The following ARHGAP10 variants were observed in gnomAD, a reference collection of about 807,000 sequenced individuals.
ARHGAP10 encodes the protein Rho GTPase activating protein 10.
A neutral mutation model predicts 108.6 loss-of-function variants in ARHGAP10; 87 were observed. The observed-to-expected ratio is 0.80, with a 90% CI of 0.67 to 0.96. ARHGAP10 has a LOEUF of 0.96. Among genes scored for constraint, ARHGAP10 ranks in the 40% least tolerant of loss-of-function variants. ARHGAP10 has a pLI of 0.00. For synonymous variants in ARHGAP10, 347 were observed against 341.1 expected (o/e 1.02, Z -0.19); for missense variants, 939 against 954.5 (o/e 0.98, Z 0.21).
intron 19 of ARHGAP10, among the ~76,000 whole-genome samples, chr4:148,032,345 C>A (rs935287644): frequency 1.6e-5 from 1 of 63,526 alleles, no homozygotes; most frequent in African/African-American, 6.1e-5. Context: ...CCCCCCCCCC[C>A]CATATTGTAG....
At chr4:147,820,503 C>G (rs1384376171) in intron 1 of ARHGAP10, among the ~76,000 whole-genome samples, 1 of 150,398 alleles carries the variant, frequency 6.6e-6, no homozygotes, top group Non-Finnish European at 1.5e-5. Context: ...CCAGTCTGGT[C>G]TCCACCTCCT....
intron 13 of ARHGAP10, among the ~76,000 whole-genome samples, chr4:147,936,339 T>TG (rs1737934678): frequency 7.3e-6 from 1 of 137,620 alleles, no homozygotes; most frequent in African/African-American, 2.7e-5. Context: ...TTTTTTTTTT[T>TG]GAGATGGAGT....
At chr4:148,032,847 G>A (rs1310591148) in intron 19 of ARHGAP10, among the ~76,000 whole-genome samples, 4 of 152,148 alleles carry the variant, frequency 2.6e-5, no homozygotes, top group East Asian at 1.9e-4. Flanking sequence ...TCTCATGTTC[G>A]AGGGCAGGAA....
intron 16 of ARHGAP10, among the ~76,000 whole-genome samples, chr4:147,958,143 T>G (rs1311856707): frequency 6.6e-6 from 1 of 152,202 alleles, no homozygotes; most frequent in Non-Finnish European, 1.5e-5. Flanking sequence ...CTGGATGTCT[T>G]ACTGCGTGAT....
At chr4:147,847,461 A>T (rs1324766551) in intron 4 of ARHGAP10, among the ~76,000 whole-genome samples, 3 of 152,270 alleles carry the variant, frequency 2.0e-5, no homozygotes, top group Admixed American at 6.5e-5. Flanking sequence ...ATAGAGTTTT[A>T]AAAATACCTG....
chr4:147,902,790 A>G (rs2126902907), intron 10 of ARHGAP10, among the ~76,000 whole-genome samples: 1 of 151,898 alleles, frequency 6.6e-6, no homozygotes, highest in East Asian at 1.9e-4. Context: ...TTAGTTTTGT[A>G]GGCTGTACAG....
At chr4:147,922,465 G>A (rs1737283643) in intron 13 of ARHGAP10, among the ~76,000 whole-genome samples, 2 of 151,346 alleles carry the variant, frequency 1.3e-5, no homozygotes, top group East Asian at 1.9e-4. Context: ...CGAGGCGGGC[G>A]GATCACGAGG....
intron 1 of ARHGAP10, among the ~76,000 whole-genome samples, chr4:147,757,143 T>C (rs1427318836): frequency 6.6e-6 from 1 of 151,770 alleles, no homozygotes; most frequent in Non-Finnish European, 1.5e-5. Flanking sequence ...GAGGCAAACA[T>C]TGGATATCAG....
chr4:147,741,792 G>GCGCA (rs984531598), intron 1 of ARHGAP10, among the ~76,000 whole-genome samples: 238 of 57,666 alleles, frequency 4.1e-3, no homozygotes, highest in African/African-American at 7.5e-3. Context: ...ACACACACAC[G>GCGCA]CACACACACA....
chr4:147,828,723 C>G (rs895771605), intron 3 of ARHGAP10, among the ~76,000 whole-genome samples: 13 of 152,114 alleles, frequency 8.5e-5, no homozygotes, highest in African/African-American at 2.9e-4. Flanking sequence ...TTCCTTTCCC[C>G]CCTACAATGT....
intron 13 of ARHGAP10, among the ~76,000 whole-genome samples, chr4:147,937,942 G>A (rs1188617867): frequency 6.6e-6 from 1 of 152,162 alleles, no homozygotes. Flanking sequence ...TTGCTCCATT[G>A]TACTCCAGCC....
intron 1 of ARHGAP10, among the ~76,000 whole-genome samples, chr4:147,811,398 A>G (rs1267722094): frequency 2.0e-5 from 3 of 152,152 alleles, no homozygotes; most frequent in Admixed American, 1.3e-4. Context: ...TACCTGAGGC[A>G]TGTGATTTGT....
chr4:147,961,853 T>C (rs896698040), intron 16 of ARHGAP10, among the ~76,000 whole-genome samples: 11 of 152,192 alleles, frequency 7.2e-5, no homozygotes, highest in Non-Finnish European at 1.2e-4. Flanking sequence ...GCCTTCCTGA[T>C]GACATCGTAC....
chr4:147,988,080 G>A (rs1210267144), intron 18 of ARHGAP10, among the ~76,000 whole-genome samples: 3 of 152,198 alleles, frequency 2.0e-5, no homozygotes, highest in African/African-American at 7.2e-5. Context: ...ACTCAGTGTA[G>A]TTTTTATTTC....
At chr4:147,917,840 T>G (rs1022560672) in intron 13 of ARHGAP10, among the ~76,000 whole-genome samples, 1 of 118,068 alleles carries the variant, frequency 8.5e-6, no homozygotes, top group Non-Finnish European at 1.5e-5. Flanking sequence ...TACTCAGAGG[T>G]CTTAAAGTCG....
chr4:148,050,581 G>A (rs1729093034), intron 20 of ARHGAP10, among the ~76,000 whole-genome samples: 1 of 151,716 alleles, frequency 6.6e-6, no homozygotes, highest in Admixed American at 6.6e-5. Context: ...CACTGCGTTA[G>A]CCAGGATGGT....
chr4:148,048,542 G>A (rs1057220542), intron 20 of ARHGAP10, among the ~76,000 whole-genome samples: 20 of 152,086 alleles, frequency 1.3e-4, no homozygotes, highest in African/African-American at 4.1e-4. Context: ...CTGTTTCACC[G>A]TAGTACTACA....
chr4:147,912,548 AATATATATATAT>A (rs59663731), intron 12 of ARHGAP10, among the ~76,000 whole-genome samples: 83,957 of 120,306 alleles, frequency 0.7, 31,726 homozygotes, highest in Middle Eastern at 0.86. Flanking sequence ...CAAACAAACA[AATATATATATAT>A]ATATATATAT....
Position 147,784,651 on chromosome 4 carries a change from ATATT to A in ARHGAP10, c.155-38075_155-38072del, listed in dbSNP as rs1445302547. Among the ~76,000 whole-genome samples the A allele has an allele frequency of 2.1e-4, 3 of 14,286 alleles. No homozygotes were observed. In the East Asian group the frequency reaches 9.5e-3, roughly 45 times the overall value. The allele number at this position is 14,286 out of a possible 152,430, so 9.4% of individuals were successfully genotyped here. Reference sequence around the variant, plus strand: ...ATTATATATTATAAATATAAAATATATATTATAAAATATATATTATATATTATAA... The same window carrying A: ...ATTATATATTATAAATATAAAATATAATAAAATATATATTATATATTATAA... On this transcript the variant is annotated intron_variant, in intron 1 of 22. Coordinates refer to ENST00000336498, the MANE Select transcript of ARHGAP10 (RefSeq NM_024605.4).
Sources: allele counts gnomAD v4.1 joint callset (sites outside exome capture counted in the v4.1 genomes callset), GRCh38; gene constraint gnomAD v4.1.1; transcripts MANE v1.5; gene names NCBI Gene and HGNC (gene_info 2026-07-23, HGNC 2026-07-21).